Variants in VWA8 observed in about 807,000 individuals in gnomAD.
VWA8 encodes the protein von Willebrand factor A domain-containing protein 8.
VWA8 carries 221 observed loss-of-function variants against 241.5 expected under a neutral mutation model. That is an observed-to-expected ratio of 0.91 (90% CI 0.82 to 1.02). The LOEUF (loss-of-function observed/expected upper bound fraction) is 1.02. VWA8 is among the 50% of genes least tolerant of loss of function. The pLI is 0.00. For missense variants in VWA8, 2,322 were observed against 2,328.7 expected, an observed-to-expected ratio of 1.00 and a Z score of 0.06; for synonymous variants, 852 against 827.1, an observed-to-expected ratio of 1.03 and a Z score of -0.52.
chr13:41,580,012 A>T (rs2044372534), intron 42 of VWA8, among the ~76,000 whole-genome samples: 1 of 151,488 alleles, frequency 6.6e-6, no homozygotes, highest in South Asian at 2.1e-4. Flanking sequence ...ACACCTGGCT[A>T]ATTTTTGTAT....
intron 21 of VWA8, among the ~76,000 whole-genome samples, chr13:41,751,272 G>A (rs183894618): frequency 2.0e-5 from 3 of 152,058 alleles, no homozygotes; most frequent in Non-Finnish European, 4.4e-5. Flanking sequence ...AAAAAGGGGG[G>A]GCAGTAGAAG....
chr13:41,895,831 C>CTTTTTTTTTTTTTTTTT (rs59080554), intron 4 of VWA8, among the ~76,000 whole-genome samples: 1 of 130,018 alleles, frequency 7.7e-6, no homozygotes, highest in East Asian at 2.2e-4. Context: ...TGCAAATTTT[C>CTTTTTTTTTTTTTTTTT]TTTTTTTTTT....
At chr13:41,808,424 A>G (rs191459420) in intron 17 of VWA8, among the ~76,000 whole-genome samples, 1 of 152,282 alleles carries the variant, frequency 6.6e-6, no homozygotes, top group East Asian at 1.9e-4. Flanking sequence ...CAACGGGGGA[A>G]CAAGCACTTC....
intron 35 of VWA8, 95 bp downstream of exon 35, chr13:41,684,952 G>T: frequency 9.1e-7 from 1 of 1,102,672 alleles, no homozygotes; most frequent in Non-Finnish European, 1.3e-6. Context: ...ATTTTTATAA[G>T]TATGAAATGA....
At chr13:41,709,644 T>C (rs1228621906) in intron 26 of VWA8, among the ~76,000 whole-genome samples, 1 of 152,304 alleles carries the variant, frequency 6.6e-6, no homozygotes, top group Admixed American at 6.5e-5. Context: ...TGGAGAATAA[T>C]TTAATGATTC....
At chr13:41,580,169 C>A (rs1313674152) in intron 42 of VWA8, among the ~76,000 whole-genome samples, 1 of 152,126 alleles carries the variant, frequency 6.6e-6, no homozygotes, top group Non-Finnish European at 1.5e-5. Context: ...GTTTTTACTA[C>A]AGAGAAATAA....
intron 26 of VWA8, among the ~76,000 whole-genome samples, chr13:41,715,016 A>C (rs1024409371): frequency 1.3e-5 from 2 of 152,042 alleles, no homozygotes; most frequent in South Asian, 4.1e-4. Flanking sequence ...AATTGGAATT[A>C]ATATTACATA....
intron 23 of VWA8, among the ~76,000 whole-genome samples, chr13:41,727,850 A>G (rs2045449325): frequency 6.6e-6 from 1 of 152,130 alleles, no homozygotes; most frequent in Non-Finnish European, 1.5e-5. Flanking sequence ...CATTAGTACA[A>G]TGTTGATTTA....
At chr13:41,743,761 T>C (rs963397649) in intron 21 of VWA8, among the ~76,000 whole-genome samples, 11 of 152,234 alleles carry the variant, frequency 7.2e-5, no homozygotes, top group East Asian at 1.9e-4. Flanking sequence ...TTGCCTATCT[T>C]CTCACCACTA....
chr13:41,938,069 G>A (rs553016300), intron 2 of VWA8, among the ~76,000 whole-genome samples: 473 of 151,798 alleles, frequency 3.1e-3, no homozygotes, highest in African/African-American at 0.011. Context: ...GCTGAGGCAG[G>A]AGAATCACTT....
In VWA8 at chr13:41,719,386, T is replaced by C. The variant is rs897380422; in HGVS notation, c.3116+205A>G. On this transcript the variant is annotated intron_variant, in intron 26 of 44. Transcript: ENST00000379310. ...ATTTATTACATCTACTCATGGGACA[T>C]ACATAATAATCAAAATTTTCAATTT... is the stretch of plus-strand genomic sequence containing the variant. 7.1e-6 allele frequency: 10 copies of C among 1,400,396 alleles called. No individual in the cohort carries two copies. The African/African-American group carries it at 1.0e-4, about 14-fold the overall frequency. The allele number at this position is 1,400,396 out of a possible 1,614,324, so 86.7% of individuals were successfully genotyped here. A position where few individuals can be genotyped will look rare whatever the true frequency, so the allele number is the denominator to read the frequency against.
At chr13:41,714,641 C>T (rs2045337401) in intron 26 of VWA8, among the ~76,000 whole-genome samples, 1 of 151,864 alleles carries the variant, frequency 6.6e-6, no homozygotes, top group Non-Finnish European at 1.5e-5. Flanking sequence ...CTAAGTGAAT[C>T]ACCTTGTGTT....
intron 37 of VWA8, among the ~76,000 whole-genome samples, chr13:41,626,441 A>G (rs1294590084): frequency 1.3e-5 from 2 of 152,160 alleles, no homozygotes; most frequent in Admixed American, 1.3e-4. Context: ...TAAGGAACCA[A>G]AAAAGAGCCA....
In VWA8 at chr13:41,857,808, G is replaced by C. The variant is rs1181581105; in HGVS notation, c.1425+7928C>G. Reference sequence around the variant, plus strand: ...TGGGCTGTGGGATGCTCAGATATTTGGTTAAATAGTATTCTAGGGGTGTTT... The same window carrying C: ...TGGGCTGTGGGATGCTCAGATATTTCGTTAAATAGTATTCTAGGGGTGTTT... On this transcript the variant is annotated intron_variant, in intron 12 of 44. Coordinates refer to ENST00000379310, the MANE Select transcript of VWA8 (RefSeq NM_015058.2). Among the ~76,000 whole-genome samples, 3 of 152,062 alleles carry C rather than the reference G, an allele frequency of 2.0e-5. No individual in the cohort carries two copies. In the South Asian group the frequency reaches 6.2e-4, roughly 32 times the overall value.
chr13:41,799,766 T>C (rs1438841318), intron 17 of VWA8, among the ~76,000 whole-genome samples: 1 of 152,170 alleles, frequency 6.6e-6, no homozygotes, highest in Non-Finnish European at 1.5e-5. Context: ...TTTTTAAGTA[T>C]TAGCTCTATT....
intron 20 of VWA8, among the ~76,000 whole-genome samples, chr13:41,764,568 C>T (rs539307680): frequency 2.6e-5 from 4 of 151,962 alleles, no homozygotes; most frequent in Non-Finnish European, 4.4e-5. Flanking sequence ...TCAGGAAGGC[C>T]GACTGCACAG....
At chr13:41,703,529 T>C in intron 26 of VWA8, 118 bp from the exon 27 acceptor site, 2 of 760,290 alleles carry the variant, frequency 2.6e-6, no homozygotes, top group Non-Finnish European at 4.3e-6. Context: ...TACTTAGAAG[T>C]GAGTTATACA....
intron 36 of VWA8, among the ~76,000 whole-genome samples, chr13:41,673,109 T>C (rs1566410113): frequency 6.6e-6 from 1 of 152,176 alleles, no homozygotes; most frequent in Non-Finnish European, 1.5e-5. Flanking sequence ...TCCTTATAAA[T>C]AATAACAAAG....
chr13:41,588,241 A>T (rs943830362), intron 41 of VWA8, among the ~76,000 whole-genome samples: 1 of 152,248 alleles, frequency 6.6e-6, no homozygotes, highest in African/African-American at 2.4e-5. Flanking sequence ...TAAGCTGCAC[A>T]TCTTCTCTTC....
Sources: allele counts gnomAD v4.1 joint callset (sites outside exome capture counted in the v4.1 genomes callset), GRCh38; gene constraint gnomAD v4.1.1; transcripts MANE v1.5; gene names NCBI Gene and HGNC (gene_info 2026-07-23, HGNC 2026-07-21).